The following SPSB1 variants were observed in gnomAD, a reference collection of about 807,000 sequenced individuals.
The protein encoded by SPSB1 is splA/ryanodine receptor domain and SOCS box containing 1.
In SPSB1, 8 loss-of-function variants were observed where a neutral mutation model predicts 21.2. The ratio of observed to expected loss-of-function variants is 0.38; its 90% CI spans 0.22 to 0.68. SPSB1 has a LOEUF of 0.68. Ranked by LOEUF, SPSB1 falls within the 30% of genes least tolerant of loss-of-function variation. The pLI, the probability that SPSB1 is intolerant of heterozygous loss-of-function variation, is 0.53. For synonymous variants in SPSB1, 169 were observed against 161.7 expected (o/e 1.05, Z -0.34); for missense variants, 242 against 377.8 (o/e 0.64, Z 2.98).
chr1:9,342,664 C>T (rs577800763), intron 1 of SPSB1, among the ~76,000 whole-genome samples: 37 of 152,344 alleles, frequency 2.4e-4, no homozygotes, highest in African/African-American at 8.9e-4. Context: ...CATCCCCTCC[C>T]CAGACCACAG....
At chr1:9,353,271 AGG>A (rs1407721741) in intron 1 of SPSB1, among the ~76,000 whole-genome samples, 1 of 151,920 alleles carries the variant, frequency 6.6e-6, no homozygotes, top group African/African-American at 2.4e-5. Context: ...GTTGGGGAAG[AGG>A]GGAATTCAGG....
At position 9,321,317 on chromosome 1, in the gene SPSB1, G is replaced by A. The variant is rs987661351; in HGVS notation, c.-150+28246G>A. ...GGGTGAAGGAAGAACTCCTTACAGAGAAAGCCCGTGTGTGTGGTGGAGCTC... is the reference window on the plus strand; with the variant it reads ...GGGTGAAGGAAGAACTCCTTACAGAAAAAGCCCGTGTGTGTGGTGGAGCTC... On this transcript the variant is annotated intron_variant, in intron 1 of 2. Transcript: ENST00000328089. The surrounding 1 kb of genome is among the most constrained non-coding windows in gnomAD (Gnocchi z 4.8). 5.1e-4 allele frequency among the ~76,000 whole-genome samples: 77 copies of A among 152,202 alleles called. No homozygotes were observed. The highest frequency in any genetic ancestry group is 1.8e-3 in the African/African-American group (73 of 41,468).
At chr1:9,339,826 A>G (rs1640060756) in intron 1 of SPSB1, among the ~76,000 whole-genome samples, 1 of 152,174 alleles carries the variant, frequency 6.6e-6, no homozygotes, top group Non-Finnish European at 1.5e-5. Flanking sequence ...ACCTGGTGGC[A>G]GGACAGGGGA....
At chr1:9,329,888 A>G (rs1423390792) in intron 1 of SPSB1, among the ~76,000 whole-genome samples, 1 of 152,030 alleles carries the variant, frequency 6.6e-6, no homozygotes, top group African/African-American at 2.4e-5. Context: ...CAAAACTTGG[A>G]TACTATGAGG....
chr1:9,328,771 C>G (rs998156666), intron 1 of SPSB1, among the ~76,000 whole-genome samples: 2 of 152,254 alleles, frequency 1.3e-5, no homozygotes, highest in South Asian at 2.1e-4. Flanking sequence ...GAAGCTCACT[C>G]TGCGCTGGGG....
At chr1:9,338,378 G>A (rs1640038100) in intron 1 of SPSB1, among the ~76,000 whole-genome samples, 1 of 152,174 alleles carries the variant, frequency 6.6e-6, no homozygotes, top group Non-Finnish European at 1.5e-5. Flanking sequence ...GGAGGCAGTT[G>A]GGGATCCATG....
chr1:9,315,250 C>G (rs9726646), intron 1 of SPSB1, among the ~76,000 whole-genome samples: 2 of 151,964 alleles, frequency 1.3e-5, no homozygotes, highest in Non-Finnish European at 2.9e-5. Context: ...ACCAGCTCAG[C>G]AGATTCCACT....
At chr1:9,312,571 G>T (rs868708866) in intron 1 of SPSB1, among the ~76,000 whole-genome samples, 1 of 152,102 alleles carries the variant, frequency 6.6e-6, no homozygotes. Flanking sequence ...GGTGGGGACT[G>T]GGGGAGGGCC....
At chr1:9,303,032 C>T (rs57156794) in intron 1 of SPSB1, among the ~76,000 whole-genome samples, 18,570 of 152,102 alleles carry the variant, frequency 0.12, 1,224 homozygotes, top group South Asian at 0.2. Flanking sequence ...AAGGCTGCCA[C>T]CTGGCTTCTT....
At chr1:9,353,604 G>T (rs1234981664) in intron 1 of SPSB1, among the ~76,000 whole-genome samples, 1 of 152,174 alleles carries the variant, frequency 6.6e-6, no homozygotes, top group Non-Finnish European at 1.5e-5. Context: ...CTGAAGAGAT[G>T]ACCGTGCCCC....
intron 1 of SPSB1, among the ~76,000 whole-genome samples, chr1:9,343,428 G>GC (rs1291580116): frequency 1.3e-5 from 2 of 152,206 alleles, no homozygotes; most frequent in Non-Finnish European, 2.9e-5. Context: ...ATTGTATCAT[G>GC]CACTAGTACT....
chr1:9,361,755 C>T (rs542019781), intron 2 of SPSB1, among the ~76,000 whole-genome samples: 5 of 152,364 alleles, frequency 3.3e-5, no homozygotes, highest in African/African-American at 1.2e-4. Context: ...CTCTCCCTCT[C>T]TCTCCTGGAG....
chr1:9,319,267 A>G (rs1639667493), intron 1 of SPSB1, among the ~76,000 whole-genome samples: 1 of 152,202 alleles, frequency 6.6e-6, no homozygotes, highest in Non-Finnish European at 1.5e-5. Flanking sequence ...CAGGGAGGGC[A>G]CCAAGGCAGG....
At chr1:9,319,082 G>A (rs899896709) in intron 1 of SPSB1, among the ~76,000 whole-genome samples, 6 of 152,198 alleles carry the variant, frequency 3.9e-5, no homozygotes, top group Admixed American at 1.3e-4. Context: ...AGAGGCTGAG[G>A]TGGGAGAATT....
In SPSB1 at chr1:9,321,198, A is replaced by T. The variant is rs1267466294; in HGVS notation, c.-150+28127A>T. On this transcript the variant is annotated intron_variant, in intron 1 of 2. Transcript: ENST00000328089. The surrounding 1 kb of genome is among the most constrained non-coding windows in gnomAD (Gnocchi z 4.8). ...CTTAAACCTTCTTAGTTTAGTCTGC[A>T]GAGGCGTCTCAGGCGGTGGGCCTTA... Among the ~76,000 whole-genome samples the T allele has an allele frequency of 6.6e-6, 1 of 151,852 alleles. No individual in the cohort carries two copies. The highest frequency in any genetic ancestry group is 1.5e-5 in the Non-Finnish European group (1 of 67,960).
chr1:9,296,847 G>C (rs1233734604), intron 1 of SPSB1, among the ~76,000 whole-genome samples: 1 of 152,230 alleles, frequency 6.6e-6, no homozygotes, highest in Non-Finnish European at 1.5e-5. Flanking sequence ...CAGCACATTG[G>C]GGGATCTGTC....
chr1:9,318,811 G>A (rs1442830457), intron 1 of SPSB1, among the ~76,000 whole-genome samples: 1 of 152,172 alleles, frequency 6.6e-6, no homozygotes, highest in Non-Finnish European at 1.5e-5. Flanking sequence ...ACTGCATATA[G>A]TGGGGGACAG....
intron 2 of SPSB1, among the ~76,000 whole-genome samples, chr1:9,361,156 C>CTTTTCTTTTTTTTTT (rs1553128955): frequency 9.7e-6 from 1 of 102,578 alleles, no homozygotes; most frequent in African/African-American, 4.1e-5. Flanking sequence ...CTGTCATTTT[C>CTTTTCTTTTTTTTTT]TTTTTTTTTT....
At position 9,312,767 on chromosome 1, in the gene SPSB1, C is replaced by T. The variant is rs1213465728; in HGVS notation, c.-150+19696C>T. Among the ~76,000 whole-genome samples, 8 of 152,172 alleles carry T rather than the reference C, an allele frequency of 5.3e-5. No individual in the cohort carries two copies. The East Asian group carries it at 1.5e-3, about 29-fold the overall frequency. On this transcript the variant is annotated intron_variant, in intron 1 of 2. Transcript: ENST00000328089. The stretch of plus-strand genomic sequence containing the variant: ...TATTATTATTATTATTTGATTTTTT[C>T]AACCTGGTCAGTCTTATTGCAAGTG...
Sources: gnomAD v4.1 joint callset for allele counts (sites outside exome capture counted in the v4.1 genomes callset) on GRCh38, gnomAD v4.1.1 for gene constraint, Gnocchi (gnomAD v3.1) non-coding constraint, MANE v1.5 for transcripts, NCBI Gene and HGNC (gene_info 2026-07-23, HGNC 2026-07-21) for gene names.